HOXA9: variants seen among roughly 807,000 people sequenced by gnomAD.
The protein encoded by HOXA9 is homeobox protein Hox-A9.
HOXA9 carries 18 observed loss-of-function variants against 19.0 expected under a neutral mutation model. That is an observed-to-expected ratio of 0.95 (90% CI 0.65 to 1.40). The LOEUF is 1.40. HOXA9 is among the 40% of genes most tolerant of loss of function. The pLI is 0.00. For missense variants in HOXA9, 443 were observed against 372.2 expected (o/e 1.19, Z -1.57); for synonymous variants, 198 against 161.1 (o/e 1.23, Z -1.73).
Position 27,165,190 on chromosome 7 carries a change from G to A in HOXA9, c.268C>T (p.Pro90Ser), listed in dbSNP as rs1040126912. The A allele has an allele frequency of 3.8e-6, 6 of 1,593,252 alleles. No homozygotes were observed. The highest frequency in any genetic ancestry group is 3.5e-5 in the Admixed American group (2 of 57,834). ...ACGGGCGCCTGGGGGTGCACGTAGG[G>A]GTGGTGGTGATGGTGGTGGTACACC... Reference protein sequence around the residue: ...AAVYHHHHHHPYVHPQAPVAA... With the variant: ...AAVYHHHHHHSYVHPQAPVAA... The change falls in exon 1 of 2, where the codon CCC becomes TCC. Residue 90 changes from proline to serine, a missense_variant. Pro to Ser is a moderately conservative substitution (Grantham distance 74). Transcript: ENST00000343483.
Position 27,163,727 on chromosome 7 carries a change from G to A in HOXA9, c.695C>T (p.Thr232Ile). 2 of 1,613,982 alleles carry A rather than the reference G, an allele frequency of 1.2e-6. No individual in the cohort carries two copies. Among genetic ancestry groups the A allele is most frequent in the Non-Finnish European group, 1.7e-6 (2 of 1,179,964 alleles). Residue 232 changes from threonine (T) to isoleucine (I), a missense_variant, in exon 2 of 2, where the codon ACC becomes ATC. Transcript: ENST00000343483. Reference protein sequence around the residue: ...EKEFLFNMYLTRDRRYEVARL... With the variant: ...EKEFLFNMYLIRDRRYEVARL... ...AGCCACCTCGTACCTGCGGTCCCTGGTGAGGTACATGTTGAACAGAAACTC... is the reference window on the plus strand; with the variant it reads ...AGCCACCTCGTACCTGCGGTCCCTGATGAGGTACATGTTGAACAGAAACTC...
Position 27,165,081 on chromosome 7 carries a change from G to C in HOXA9, c.377C>G (p.Ser126Cys), listed in dbSNP as rs1161506915. Residue 126 changes from serine (S) to cysteine (C), a missense_variant, in exon 1 of 2, where the codon TCC (serine) becomes TGC (cysteine). Physicochemically the swap from Ser to Cys is moderately radical, Grantham distance 112. Coordinates refer to ENST00000343483, the MANE Select transcript of HOXA9 (RefSeq NM_152739.4). ...AGGTTTAATGCCATAAGGCCGGCTG[G>C]AGGGCAAGCCCGCGAAGGAGAGCGC... ...PGALSFAGLPSSRPYGIKPEP... is the reference protein window; with the variant it reads ...PGALSFAGLPCSRPYGIKPEP... 3.1e-6 allele frequency: 5 copies of C among 1,613,734 alleles called. No individual in the cohort carries two copies. In the East Asian group the frequency reaches 6.7e-5, roughly 22 times the overall value.
chr7:27,165,352 C>T lies in HOXA9; in HGVS notation c.106G>A (p.Gly36Ser). Residue 36 changes from glycine (G) to serine (S), a missense_variant, in exon 1 of 2, where the codon GGC (glycine) becomes AGC (serine). Gly to Ser is a moderately conservative substitution (Grantham distance 56). Transcript: ENST00000343483. ...GTCGCCGCCTGCCGGGGAGGCTGGCCCAGGGTCCCCGGCGCATAGCGGCCA... is the reference window on the plus strand; with the variant it reads ...GTCGCCGCCTGCCGGGGAGGCTGGCTCAGGGTCCCCGGCGCATAGCGGCCA... ...SVGRYAPGTL[G>S]QPPRQAATLA... is the part of the protein sequence containing the mutation. 8 of 1,592,418 alleles carry T rather than the reference C, an allele frequency of 5.0e-6. No homozygotes were observed. The highest frequency in any genetic ancestry group is 6.8e-6 in the Non-Finnish European group (8 of 1,171,282).
rs746824728 is a variant in HOXA9 at position 27,165,149 on chromosome 7, C to T, written c.309G>A (p.Pro103=). 1.3e-6 allele frequency: 2 copies of T among 1,597,392 alleles called. No individual in the cohort carries two copies. The highest frequency in any genetic ancestry group is 2.2e-5 in the East Asian group (1 of 44,548). Residue 103 remains proline (P), a synonymous_variant, in exon 1 of 2, where the codon CCG becomes CCA. Transcript: ENST00000343483. ...GCCAGGAGCGCATGTACCTGCCGTC[C>T]GGCGCCGCCGCCGCCACGGGCGCCT... is the stretch of plus-strand genomic sequence containing the variant. ...HPQAPVAAAA[P]DGRYMRSWLE...
At chr7:27,163,890 G>T (rs758375108) in intron 1 of HOXA9, 49 bp from the exon 2 acceptor site, 2 of 1,506,254 alleles carry the variant, frequency 1.3e-6, no homozygotes, top group Non-Finnish European at 1.8e-6. Flanking sequence ...CGCACATCCC[G>T]CTGGGGCAAA....
At position 27,162,911 on chromosome 7, in the gene HOXA9, T is replaced by C. The variant is rs1020763574; in HGVS notation, c.*692A>G. 1 of 199,118 alleles carries C rather than the reference T, an allele frequency of 5.0e-6. No individual in the cohort carries two copies. Among genetic ancestry groups the C allele is most frequent in the African/African-American group, 2.3e-5 (1 of 43,318 alleles). The allele number at this position is 199,118 out of a possible 1,614,324, so 12.3% of individuals were successfully genotyped here. On this transcript the variant is annotated 3_prime_UTR_variant, in exon 2 of 2. Transcript: ENST00000343483. ...TGAATCTATGCATCCCCGAGAACAC[T>C]TAAAATTTTTTTTTATTTCACTGGG...
Position 27,162,494 on chromosome 7 carries a change from C to T in HOXA9, c.*1109G>A, listed in dbSNP as rs963735434. The T allele has an allele frequency of 1.5e-5, 3 of 204,180 alleles. No homozygotes were observed. The highest frequency in any genetic ancestry group is 4.6e-5 in the African/African-American group (2 of 43,642). The allele number at this position is 204,180 out of a possible 1,614,324, so 12.6% of individuals were successfully genotyped here. A position where few individuals can be genotyped will look rare whatever the true frequency, so the allele number is the denominator to read the frequency against. On this transcript the variant is annotated 3_prime_UTR_variant, in exon 2 of 2. Coordinates refer to ENST00000343483, the MANE Select transcript of HOXA9 (RefSeq NM_152739.4). ...AAAGTTAAATATCATCTCAACACAACAATTTGGTCAGTAGGCCTTGAGGTA... is the reference window on the plus strand; with the variant it reads ...AAAGTTAAATATCATCTCAACACAATAATTTGGTCAGTAGGCCTTGAGGTA...
At chr7:27,163,899 A>G in intron 1 of HOXA9, 58 bp from the exon 2 acceptor site, 2 of 1,427,116 alleles carry the variant, frequency 1.4e-6, no homozygotes, top group Non-Finnish European at 2.0e-6. Flanking sequence ...CGCTGGGGCA[A>G]ATGAGCCTCC....
In HOXA9 at chr7:27,163,057, A is replaced by T. The variant is rs576888641; in HGVS notation, c.*546T>A. On this transcript the variant is annotated 3_prime_UTR_variant, in exon 2 of 2. Coordinates refer to ENST00000343483, the MANE Select transcript of HOXA9 (RefSeq NM_152739.4). Reference sequence around the variant, plus strand: ...TCCCCTCATAAACAACCTGAGTTCAAATTGAATTCTATCTTCCACAATCAC... The same window carrying T: ...TCCCCTCATAAACAACCTGAGTTCATATTGAATTCTATCTTCCACAATCAC... The T allele has an allele frequency of 6.7e-5, 14 of 210,370 alleles. No individual in the cohort carries two copies. The highest frequency in any genetic ancestry group is 1.1e-4 in the Non-Finnish European group (11 of 103,574). The allele number at this position is 210,370 out of a possible 1,614,324, so 13.0% of individuals were successfully genotyped here.
In HOXA9 at chr7:27,165,252, G is replaced by A; in HGVS notation, c.206C>T (p.Pro69Leu). ...KATVFGASWN[P>L]VHAAGANAVP... Reference sequence around the variant, plus strand: ...AGCGTTGGCGCCCGCCGCGTGCACTGGGTTCCACGAGGCGCCAAACACCGT... The same window carrying A: ...AGCGTTGGCGCCCGCCGCGTGCACTAGGTTCCACGAGGCGCCAAACACCGT... The change falls in exon 1 of 2, where the codon CCA becomes CTA. Residue 69 changes from proline (P) to leucine (L), a missense_variant. Transcript: ENST00000343483. The A allele has an allele frequency of 1.3e-6, 2 of 1,561,952 alleles. No homozygotes were observed. The highest frequency in any genetic ancestry group is 8.7e-7 in the Non-Finnish European group (1 of 1,155,330).
At chr7:27,163,955 A>AG (rs1468221110) in intron 1 of HOXA9, 114 bp from the exon 2 acceptor site, 1 of 826,406 alleles carries the variant, frequency 1.2e-6, no homozygotes, top group Non-Finnish European at 2.0e-6. Flanking sequence ...TGAACTGGTT[A>AG]GGAAAGGCAG....
rs1490622306 is a variant in HOXA9 at position 27,163,424 on chromosome 7, C to T, written c.*179G>A. ...CTCCTCCATCAAAGCGGCAGGCCTACGAGCCAGCCTGAACAGGGTTTGCCT... is the reference window on the plus strand; with the variant it reads ...CTCCTCCATCAAAGCGGCAGGCCTATGAGCCAGCCTGAACAGGGTTTGCCT... On this transcript the variant is annotated 3_prime_UTR_variant, in exon 2 of 2. Transcript: ENST00000343483. The T allele has an allele frequency of 6.3e-6, 4 of 636,984 alleles. No individual in the cohort carries two copies. The African/African-American group carries it at 7.2e-5, about 12-fold the overall frequency. The allele number at this position is 636,984 out of a possible 1,614,324, so 39.5% of individuals were successfully genotyped here.
chr7:27,165,401 G>C lies in HOXA9; in HGVS notation c.57C>G (p.Ala19=). 8 of 1,608,984 alleles carry C rather than the reference G, an allele frequency of 5.0e-6. No individual in the cohort carries two copies. Among genetic ancestry groups the C allele is most frequent in the Non-Finnish European group, 6.8e-6 (8 of 1,178,742 alleles). ...CAACGCTCAGCTCATCCGCGGCGTC[G>C]GCGCCCAGCAGGAACGAGTCCACGT... ...NYYVDSFLLG[A]DAADELSVGR... The change falls in exon 1 of 2, where the codon GCC becomes GCG. Residue 19 remains alanine, a synonymous_variant. Coordinates refer to ENST00000343483, the MANE Select transcript of HOXA9 (RefSeq NM_152739.4).
At position 27,164,920 on chromosome 7, in the gene HOXA9, C is replaced by T. The variant is rs1423926066; in HGVS notation, c.538G>A (p.Ala180Thr). ...PSEGAFSENNAENESGGDKPP... is the reference protein window; with the variant it reads ...PSEGAFSENNTENESGGDKPP... ...TTGTCTCCGCCGCTCTCATTCTCAG[C>T]ATTGTTTTCAGAGAAGGCGCCTTCG... Residue 180 changes from alanine to threonine, a missense_variant, in exon 1 of 2, where the codon GCT becomes ACT. Coordinates refer to ENST00000343483, the MANE Select transcript of HOXA9 (RefSeq NM_152739.4). The T allele has an allele frequency of 1.9e-6, 3 of 1,614,228 alleles. No homozygotes were observed. The highest frequency in any genetic ancestry group is 1.7e-5 in the Admixed American group (1 of 60,038).
intron 1 of HOXA9, among the ~76,000 whole-genome samples, chr7:27,164,599 G>T (rs1783276545): frequency 6.6e-6 from 1 of 152,240 alleles, no homozygotes; most frequent in Non-Finnish European, 1.5e-5. Context: ...GGCAGCCAAG[G>T]AGAGGGGCGG....
Position 27,162,917 on chromosome 7 carries a change from T to A in HOXA9, c.*686A>T, listed in dbSNP as rs1203772047. The A allele has an allele frequency of 4.6e-5, 9 of 194,704 alleles. No homozygotes were observed. Among genetic ancestry groups the A allele is most frequent in the African/African-American group, 7.0e-5 (3 of 43,120 alleles). 12.1% of individuals were successfully genotyped at this position (194,704 alleles called of 1,614,324 possible). A position where few individuals can be genotyped will look rare whatever the true frequency, so the allele number is the denominator to read the frequency against. On this transcript the variant is annotated 3_prime_UTR_variant, in exon 2 of 2. Transcript: ENST00000343483. ...TATGCATCCCCGAGAACACTTAAAA[T>A]TTTTTTTTATTTCACTGGGAAATTC...
In HOXA9 at chr7:27,165,124, G is replaced by A. The variant is rs1203678368; in HGVS notation, c.334C>T (p.Leu112=). ...GAGAGCGCACCGGGCGTGGGCTCCAGCCAGGAGCGCATGTACCTGCCGTCC... is the reference window on the plus strand; with the variant it reads ...GAGAGCGCACCGGGCGTGGGCTCCAACCAGGAGCGCATGTACCTGCCGTCC... The part of the protein sequence containing the change: ...APDGRYMRSW[L]EPTPGALSFA... The change falls in exon 1 of 2, where the codon CTG becomes TTG. Residue 112 remains leucine, a synonymous_variant. Transcript: ENST00000343483. 1.9e-6 allele frequency: 3 copies of A among 1,608,512 alleles called. No individual in the cohort carries two copies. The African/African-American group carries it at 4.0e-5, about 21-fold the overall frequency.
At chr7:27,164,524 A>G (rs1202346297) in intron 1 of HOXA9, among the ~76,000 whole-genome samples, 1 of 152,238 alleles carries the variant, frequency 6.6e-6, no homozygotes, top group Admixed American at 6.5e-5. Flanking sequence ...ATCTAGTTGT[A>G]CAAAAGGCTC....
At chr7:27,164,368 A>T (rs1489712953) in intron 1 of HOXA9, among the ~76,000 whole-genome samples, 2 of 152,170 alleles carry the variant, frequency 1.3e-5, no homozygotes, top group African/African-American at 4.8e-5. Flanking sequence ...ATAATCTGTC[A>T]TGGGGACCCT....
Sources: gnomAD v4.1 joint callset for allele counts (sites outside exome capture counted in the v4.1 genomes callset) on GRCh38, gnomAD v4.1.1 for gene constraint, MANE v1.5 for transcripts, NCBI Gene and HGNC (gene_info 2026-07-23, HGNC 2026-07-21) for gene names.